RTCB: variants seen among roughly 807,000 people sequenced by gnomAD.
RTCB encodes RNA-splicing ligase RTCB.
Under a neutral mutation model 58.2 loss-of-function variants are expected in RTCB, and 32 were observed. The ratio of observed to expected loss-of-function variants is 0.55; its 90% CI spans 0.41 to 0.74. The LOEUF is 0.74. Among genes scored for constraint, RTCB ranks in the 30% least tolerant of loss-of-function variants. The pLI, the probability that RTCB is intolerant of heterozygous loss-of-function variation, is 0.00. For missense variants in RTCB, 523 were observed against 639.0 expected, an observed-to-expected ratio of 0.82 and a Z score of 1.96; for synonymous variants, 247 against 218.6, an observed-to-expected ratio of 1.13 and a Z score of -1.15.
chr22:32,392,486 CT>C, intron 10 of RTCB, 127 bp from the exon 11 acceptor site: 1 of 1,174,090 alleles, frequency 8.5e-7, no homozygotes, highest in Non-Finnish European at 1.2e-6. Context: ...GGTAACAGGC[CT>C]TTTAAACCTC....
At chr22:32,396,385 T>C (rs549472311) in intron 7 of RTCB, 136 bp from the exon 8 acceptor site, 2 of 821,102 alleles carry the variant, frequency 2.4e-6, no homozygotes, top group Admixed American at 5.3e-5. Flanking sequence ...CCCTTTAATG[T>C]GTTTCTGAGT....
At chr22:32,410,516 C>T (rs528916606) in intron 1 of RTCB, among the ~76,000 whole-genome samples, 1 of 152,010 alleles carries the variant, frequency 6.6e-6, no homozygotes, top group Admixed American at 6.6e-5. Context: ...ATTAACATTC[C>T]AAGTCTCTAT....
intron 1 of RTCB, among the ~76,000 whole-genome samples, chr22:32,411,810 T>G (rs1353176520): frequency 6.6e-6 from 1 of 152,048 alleles, no homozygotes; most frequent in Non-Finnish European, 1.5e-5. Context: ...AAACCCCAAT[T>G]TCGTATTTAT....
At chr22:32,403,717 C>T (rs1933376008) in intron 4 of RTCB, among the ~76,000 whole-genome samples, 1 of 152,150 alleles carries the variant, frequency 6.6e-6, no homozygotes, top group South Asian at 2.1e-4. Context: ...AGGTATTAGG[C>T]TGGTGCAAAA....
chr22:32,399,758 C>A lies in RTCB; in HGVS notation c.499G>T (p.Asp167Tyr). 1 of 1,613,214 alleles carries A rather than the reference C, an allele frequency of 6.2e-7. No homozygotes were observed. The highest frequency in any genetic ancestry group is 8.5e-7 in the Non-Finnish European group (1 of 1,179,624). Residue 167 changes from aspartate (D) to tyrosine (Y), a missense_variant and splice_region_variant, in exon 6 of 12, where the codon GAC becomes TAC. Physicochemically the swap from Asp to Tyr is radical, Grantham distance 160. Transcript: ENST00000216038. ...SKGVIPMNAK[D>Y]LEEALEMGVD... Reference sequence around the variant, plus strand: ...CCCATCTCCAAGGCCTCCTCCAAGTCTCTGGATAAGTATAAAAGGTGCTAG... The same window carrying A: ...CCCATCTCCAAGGCCTCCTCCAAGTATCTGGATAAGTATAAAAGGTGCTAG...
chr22:32,391,454 G>A (rs1933153521), intron 11 of RTCB, among the ~76,000 whole-genome samples: 2 of 148,866 alleles, frequency 1.3e-5, no homozygotes, highest in South Asian at 4.3e-4. Context: ...GGAGTGCAGT[G>A]GCATGATCTT....
At position 32,399,799 on chromosome 22, in the gene RTCB, G is replaced by A. The variant is rs185563595; in HGVS notation, c.498-40C>T. The A allele has an allele frequency of 1.4e-3, 2,249 of 1,585,374 alleles. 10 individuals carry two copies. The highest frequency in any genetic ancestry group is 8.9e-4 in the Non-Finnish European group (1,040 of 1,162,790). On this transcript the variant is annotated intron_variant, in intron 5 of 11. Transcript: ENST00000216038. ...AAGGTGCTAGTCATCTCACAGCAAA[G>A]GCAGATCAAAACCTAAGGATGACCA...
rs777354665 is a variant in RTCB at position 32,408,736 on chromosome 22, G to A, written c.172+19C>T. ...AAGGCACTACCGTACTAACACAAGTGAAACTCTAATGTACTTACCACCACC... is the reference window on the plus strand; with the variant it reads ...AAGGCACTACCGTACTAACACAAGTAAAACTCTAATGTACTTACCACCACC... On this transcript the variant is annotated intron_variant, in intron 2 of 11. Coordinates refer to ENST00000216038, the MANE Select transcript of RTCB (RefSeq NM_014306.5). 123 of 1,586,514 alleles carry A rather than the reference G, an allele frequency of 7.8e-5. No individual in the cohort carries two copies. Among genetic ancestry groups the A allele is most frequent in the Non-Finnish European group, 1.0e-4 (117 of 1,154,890 alleles).
intron 5 of RTCB, among the ~76,000 whole-genome samples, chr22:32,400,294 A>G (rs1167149814): frequency 6.6e-6 from 1 of 152,154 alleles, no homozygotes; most frequent in Non-Finnish European, 1.5e-5. Flanking sequence ...TGAGTGGCTT[A>G]CGGCACCTCC....
intron 5 of RTCB, 95 bp downstream of exon 5, chr22:32,401,652 T>A: frequency 2.2e-6 from 3 of 1,345,190 alleles, no homozygotes; most frequent in East Asian, 4.6e-5. Context: ...AACTGAACAA[T>A]CCTCATCTCT....
chr22:32,387,926 A>C lies in RTCB; in HGVS notation c.*66T>G. On this transcript the variant is annotated 3_prime_UTR_variant, in exon 12 of 12. Coordinates refer to ENST00000216038, the MANE Select transcript of RTCB (RefSeq NM_014306.5). ...CCCGCCTTGAGTCTGATGTCAGAAG[A>C]GCATGTCAGTCCACTTCCACTTCAG... is the stretch of plus-strand genomic sequence containing the variant. The C allele has an allele frequency of 9.6e-7, 1 of 1,042,732 alleles. No homozygotes were observed. 64.6% of individuals were successfully genotyped at this position (1,042,732 alleles called of 1,614,324 possible). A position where few individuals can be genotyped will look rare whatever the true frequency, so the allele number is the denominator to read the frequency against.
intron 11 of RTCB, among the ~76,000 whole-genome samples, chr22:32,388,355 G>GTACAA (rs1415780638): frequency 2.6e-5 from 4 of 151,324 alleles, no homozygotes; most frequent in Non-Finnish European, 5.9e-5. Flanking sequence ...TGTATAACTA[G>GTACAA]GAAATGTAGT....
chr22:32,411,738 T>C (rs1372849393), intron 1 of RTCB, among the ~76,000 whole-genome samples: 1 of 152,162 alleles, frequency 6.6e-6, no homozygotes, highest in African/African-American at 2.4e-5. Context: ...ATCACTGAAG[T>C]TTCTGTGAAC....
At chr22:32,392,538 G>A (rs1472862678) in intron 10 of RTCB, 179 bp from the exon 11 acceptor site, 1 of 830,494 alleles carries the variant, frequency 1.2e-6, no homozygotes, top group Non-Finnish European at 2.0e-6. Flanking sequence ...ATTCTTTGTT[G>A]GGAGGCTGTC....
chr22:32,408,619 G>A (rs1172679454), intron 2 of RTCB, 136 bp downstream of exon 2: 1 of 674,366 alleles, frequency 1.5e-6, no homozygotes, highest in African/African-American at 1.8e-5. Context: ...AAATAAGTAA[G>A]TGCTTTTGGT....
At position 32,387,839 on chromosome 22, in the gene RTCB, C is replaced by A. The variant is rs1170486244; in HGVS notation, c.*153G>T. The A allele has an allele frequency of 5.1e-5, 29 of 564,110 alleles. No individual in the cohort carries two copies. In the East Asian group the frequency reaches 8.2e-4, roughly 16 times the overall value. 34.9% of individuals were successfully genotyped at this position (564,110 alleles called of 1,614,324 possible). On this transcript the variant is annotated 3_prime_UTR_variant, in exon 12 of 12. Coordinates refer to ENST00000216038, the MANE Select transcript of RTCB (RefSeq NM_014306.5). Reference sequence around the variant, plus strand: ...TTTTACAAGCACGGGCCCCTGAAAGCAGCAGCCTCCCCATCAGCCATTTTG... The same window carrying A: ...TTTTACAAGCACGGGCCCCTGAAAGAAGCAGCCTCCCCATCAGCCATTTTG...
At chr22:32,401,561 T>G (rs564561807) in intron 5 of RTCB, 186 bp downstream of exon 5, 2 of 571,076 alleles carry the variant, frequency 3.5e-6, no homozygotes, top group South Asian at 6.1e-5. Context: ...AAGGCTGTTA[T>G]AACATCGGTT....
intron 10 of RTCB, among the ~76,000 whole-genome samples, 157 bp downstream of exon 10, chr22:32,393,734 TA>T (rs1164500988): frequency 6.6e-6 from 1 of 152,222 alleles, no homozygotes; most frequent in Non-Finnish European, 1.5e-5. Context: ...GTCAGTTCAC[TA>T]AATAGTATAC....
intron 6 of RTCB, 87 bp from the exon 7 acceptor site, chr22:32,398,187 T>C: frequency 7.0e-7 from 1 of 1,419,900 alleles, no homozygotes; most frequent in Non-Finnish European, 9.7e-7. Context: ...AAAAACAAAC[T>C]AACAACAAAA....
Sources: gnomAD v4.1 joint callset for allele counts (sites outside exome capture counted in the v4.1 genomes callset) on GRCh38, gnomAD v4.1.1 for gene constraint, MANE v1.5 for transcripts, NCBI Gene and HGNC (gene_info 2026-07-23, HGNC 2026-07-21) for gene names.